Variants in DAB1 observed in about 807,000 individuals in gnomAD.
DAB1 encodes DAB adaptor protein 1.
Under a neutral mutation model 64.6 loss-of-function variants are expected in DAB1, and 15 were observed. The observed-to-expected ratio is 0.23, with a 90% confidence interval of 0.16 to 0.36. The LOEUF (loss-of-function observed/expected upper bound fraction) is 0.36, where lower values mean the gene tolerates loss of function less well. Among genes scored for constraint, DAB1 ranks in the 10% least tolerant of loss-of-function variants. The probability of loss-of-function intolerance (pLI) is 1.00; values close to 1 mark genes in which losing one functional copy is unlikely to be tolerated. For synonymous variants in DAB1, 235 were observed against 251.9 expected (o/e 0.93, Z 0.64); for missense variants, 596 against 706.7 (o/e 0.84, Z 1.78).
chr1:57,862,435 T>C (rs1654093155), intron 1 of DAB1: 1 of 152,178 alleles, frequency 6.6e-6, no homozygotes, highest in Non-Finnish European at 1.5e-5. Flanking sequence ...ATGTTAAAGA[T>C]TGCTGTGTTC....
At chr1:58,492,061 T>G (rs1645704186) in intron 3 of DAB1, among the ~76,000 whole-genome samples, 1 of 152,160 alleles carries the variant, frequency 6.6e-6, no homozygotes, top group Admixed American at 6.5e-5. Flanking sequence ...TATAACAAAC[T>G]GTCTCTCAGA....
chr1:57,728,291 A>G (rs184822727), intron 6 of DAB1, among the ~76,000 whole-genome samples: 5 of 152,298 alleles, frequency 3.3e-5, no homozygotes, highest in Admixed American at 2.0e-4. Flanking sequence ...GACATGAAGT[A>G]TAGTTAAAAG....
intron 4 of DAB1, among the ~76,000 whole-genome samples, chr1:58,251,412 T>A (rs1178781102): frequency 6.6e-6 from 1 of 152,158 alleles, no homozygotes; most frequent in East Asian, 1.9e-4. Context: ...ATAATCGCTA[T>A]TGACCAAAAT....
chr1:57,360,150 A>G (rs994311321), intron 1 of DAB1, among the ~76,000 whole-genome samples: 1 of 152,114 alleles, frequency 6.6e-6, no homozygotes, highest in African/African-American at 2.4e-5. Flanking sequence ...TAACAATTTC[A>G]CAATGTGTAT....
intron 6 of DAB1, among the ~76,000 whole-genome samples, chr1:57,747,807 CAAAAAAAAAAAA>C (rs373640023): frequency 1.4e-4 from 6 of 43,974 alleles, no homozygotes; most frequent in South Asian, 1.1e-3. Flanking sequence ...GGACTCTGTC[CAAAAAAAAAAAA>C]AAAAAAAAAA....
intron 7 of DAB1, among the ~76,000 whole-genome samples, chr1:57,509,564 T>C (rs1471249612): frequency 6.6e-6 from 1 of 152,136 alleles, no homozygotes; most frequent in Non-Finnish European, 1.5e-5. Context: ...CCTCACCCTA[T>C]TAGCTGATGA....
intron 6 of DAB1, among the ~76,000 whole-genome samples, chr1:57,668,032 T>TA (rs1284328568): frequency 3.3e-5 from 5 of 151,508 alleles, no homozygotes; most frequent in South Asian, 2.1e-4. Context: ...AAGTAAAATT[T>TA]AAAAAAAAAT....
chr1:57,776,882 A>T (rs1223069039), intron 6 of DAB1, among the ~76,000 whole-genome samples: 2 of 151,752 alleles, frequency 1.3e-5, no homozygotes, highest in Non-Finnish European at 3.0e-5. Flanking sequence ...ATTTACTCAC[A>T]TGTTTACCAT....
intron 7 of DAB1, among the ~76,000 whole-genome samples, chr1:57,585,494 T>C (rs947241): frequency 0.96 from 146,523 of 152,204 alleles, 70,736 homozygotes; most frequent in East Asian, 1. Context: ...CATTCTTTCA[T>C]GGAACAATAA....
chr1:57,763,620 G>T (rs902579870), intron 6 of DAB1, among the ~76,000 whole-genome samples: 2 of 152,140 alleles, frequency 1.3e-5, no homozygotes, highest in Non-Finnish European at 2.9e-5. Flanking sequence ...GGAGGCTGCA[G>T]TGAGCTATGA....
chr1:58,121,033 C>A (rs1319640582), intron 5 of DAB1, among the ~76,000 whole-genome samples: 2 of 152,118 alleles, frequency 1.3e-5, no homozygotes, highest in African/African-American at 4.8e-5. Context: ...TGCTTCCAGG[C>A]AATTTTGCTA....
intron 4 of DAB1, among the ~76,000 whole-genome samples, chr1:57,112,765 TG>T (rs1413121059): frequency 6.6e-6 from 1 of 152,094 alleles, no homozygotes; most frequent in Non-Finnish European, 1.5e-5. Context: ...TTCACTCATT[TG>T]TTCATTCAGA....
At chr1:58,375,946 C>G (rs1644320152) in intron 3 of DAB1, among the ~76,000 whole-genome samples, 1 of 145,618 alleles carries the variant, frequency 6.9e-6, no homozygotes, top group Non-Finnish European at 1.5e-5. Context: ...TCCATTTCTT[C>G]TAGATTTTCT....
intron 5 of DAB1, among the ~76,000 whole-genome samples, chr1:58,011,795 G>A (rs1646671985): frequency 2.6e-5 from 4 of 152,144 alleles, no homozygotes; most frequent in East Asian, 1.9e-4. Flanking sequence ...GGGTTCAAGC[G>A]ATTCTCCTGT....
intron 5 of DAB1, among the ~76,000 whole-genome samples, chr1:57,921,926 G>A (rs1008392897): frequency 2.0e-5 from 3 of 152,044 alleles, no homozygotes; most frequent in South Asian, 2.1e-4. Flanking sequence ...CAGCTACACC[G>A]GCCCCCTCCG....
At chr1:57,850,712 T>G (rs1653485064) in intron 1 of DAB1, among the ~76,000 whole-genome samples, 1 of 152,168 alleles carries the variant, frequency 6.6e-6, no homozygotes, top group African/African-American at 2.4e-5. Context: ...TGTGATACAC[T>G]CTGACACTCA....
At chr1:58,376,577 C>T (rs1644328772) in intron 3 of DAB1, among the ~76,000 whole-genome samples, 1 of 147,486 alleles carries the variant, frequency 6.8e-6, no homozygotes, top group Non-Finnish European at 1.5e-5. Context: ...TTTACATTTG[C>T]TGAGGAGAGC....
chr1:58,068,817 C>T (rs940911885), intron 5 of DAB1, among the ~76,000 whole-genome samples: 5 of 151,186 alleles, frequency 3.3e-5, no homozygotes, highest in Non-Finnish European at 5.9e-5. Context: ...ATCTCTGACT[C>T]TTGGGTCCAA....
At chr1:57,994,171 A>C (rs1001307279) in intron 5 of DAB1, among the ~76,000 whole-genome samples, 1 of 152,202 alleles carries the variant, frequency 6.6e-6, no homozygotes, top group African/African-American at 2.4e-5. Context: ...TACATAGAGC[A>C]AGGTAACCCA....
Sources: allele counts gnomAD v4.1 joint callset (sites outside exome capture counted in the v4.1 genomes callset), GRCh38; gene constraint gnomAD v4.1.1; transcripts MANE v1.5; gene names NCBI Gene and HGNC (gene_info 2026-07-23, HGNC 2026-07-21).